Variants in ITPR1 observed in about 807,000 individuals in gnomAD.
The protein encoded by ITPR1 is inositol 1,4,5-trisphosphate-gated calcium channel ITPR1.
ITPR1 carries 96 observed loss-of-function variants against 318.4 expected under a neutral mutation model. The ratio of observed to expected loss-of-function variants is 0.30; its 90% CI spans 0.26 to 0.36. The LOEUF (loss-of-function observed/expected upper bound fraction) is 0.36. Among genes scored for constraint, ITPR1 ranks in the 10% least tolerant of loss-of-function variants. The pLI, the probability that ITPR1 is intolerant of heterozygous loss-of-function variation, is 1.00. For missense variants in ITPR1, 2,440 were observed against 3,460.2 expected (o/e 0.71, Z 7.40); for synonymous variants, 1,312 against 1,289.9 (o/e 1.02, Z -0.37).
At chr3:4,579,127 C>T (rs1301917281) in intron 4 of ITPR1, among the ~76,000 whole-genome samples, 1 of 152,140 alleles carries the variant, frequency 6.6e-6, no homozygotes, top group African/African-American at 2.4e-5. Context: ...CAGTTCCGGC[C>T]CCATAGCTCA....
intron 41 of ITPR1, among the ~76,000 whole-genome samples, 200 bp from the exon 42 acceptor site, chr3:4,726,926 G>A (rs1007839744): frequency 1.3e-5 from 2 of 152,170 alleles, no homozygotes; most frequent in African/African-American, 2.4e-5. Context: ...TAGGGTTGGG[G>A]GTATGGGACA....
chr3:4,784,474 C>G (rs939898345), intron 51 of ITPR1, among the ~76,000 whole-genome samples: 1 of 151,996 alleles, frequency 6.6e-6, no homozygotes, highest in Non-Finnish European at 1.5e-5. Flanking sequence ...ATCAACCATC[C>G]TTATGAGAAG....
intron 39 of ITPR1, among the ~76,000 whole-genome samples, chr3:4,716,366 T>C (rs1397614236): frequency 1.3e-5 from 2 of 152,240 alleles, no homozygotes; most frequent in African/African-American, 4.8e-5. Flanking sequence ...TGTGGGTTTT[T>C]ATTATTAAAC....
intron 40 of ITPR1, among the ~76,000 whole-genome samples, chr3:4,720,040 G>A (rs1054483876): frequency 2.0e-5 from 3 of 152,198 alleles, no homozygotes; most frequent in African/African-American, 7.2e-5. Flanking sequence ...GACACAGAAT[G>A]TTTCCATCAT....
chr3:4,675,024 C>G, intron 22 of ITPR1, 44 bp from the exon 23 acceptor site: 1 of 1,039,302 alleles, frequency 9.6e-7, no homozygotes, highest in South Asian at 1.4e-5. Context: ...GAAGGGGATG[C>G]AGTTTATGTA....
At chr3:4,546,672 T>G (rs977178913) in intron 4 of ITPR1, among the ~76,000 whole-genome samples, 6 of 152,158 alleles carry the variant, frequency 3.9e-5, no homozygotes, top group Non-Finnish European at 7.3e-5. Flanking sequence ...TGAATCTGTC[T>G]TAAGGATAGA....
intron 29 of ITPR1, among the ~76,000 whole-genome samples, chr3:4,684,723 G>T (rs147587554): frequency 6.6e-6 from 1 of 152,160 alleles, no homozygotes; most frequent in East Asian, 1.9e-4. Flanking sequence ...CTTTGCGTAC[G>T]CTGGTTCAAA....
At chr3:4,565,719 G>C in intron 4 of ITPR1, among the ~76,000 whole-genome samples, 1 of 152,118 alleles carries the variant, frequency 6.6e-6, no homozygotes, top group East Asian at 1.9e-4. Flanking sequence ...GCAAACAATT[G>C]AACAGCTGAC....
intron 34 of ITPR1, among the ~76,000 whole-genome samples, chr3:4,698,505 G>T (rs186260225): frequency 8.0e-4 from 122 of 152,236 alleles, no homozygotes; most frequent in African/African-American, 2.7e-3. Flanking sequence ...TAAAGGACCA[G>T]ATCGTAAATA....
chr3:4,558,111 A>G (rs1031530977), intron 4 of ITPR1, among the ~76,000 whole-genome samples: 1 of 152,232 alleles, frequency 6.6e-6, no homozygotes, highest in Admixed American at 6.5e-5. Context: ...ATGCTTAAGA[A>G]TAGATGTTCT....
Position 4,675,254 on chromosome 3 carries a change from T to C in ITPR1, c.2779+6T>C, listed in dbSNP as rs375265937. ...TGATGTGGAGAAGCTGAAGAGTGAG[T>C]ATCTGAGGGTGCCCATACATCTGAG... On this transcript the variant is annotated splice_donor_region_variant and intron_variant, in intron 23 of 61. Transcript: ENST00000649015. The C allele has an allele frequency of 6.2e-6, 10 of 1,601,966 alleles. No individual in the cohort carries two copies. In the African/African-American group the frequency reaches 9.4e-5, roughly 15 times the overall value.
chr3:4,665,314 G>A lies in ITPR1; in HGVS notation c.1713+18G>A, dbSNP rs1209594256. 1.3e-6 allele frequency: 2 copies of A among 1,590,142 alleles called. No individual in the cohort carries two copies. The highest frequency in any genetic ancestry group is 1.7e-5 in the Admixed American group (1 of 57,454). ...AGAACCAGGTTTGGATTAAGCATTGGTGGGATGTGGTTGTCAGTTTCCTCC... is the reference window on the plus strand; with the variant it reads ...AGAACCAGGTTTGGATTAAGCATTGATGGGATGTGGTTGTCAGTTTCCTCC... On this transcript the variant is annotated intron_variant, in intron 17 of 61. Coordinates refer to ENST00000649015, the MANE Select transcript of ITPR1 (RefSeq NM_001378452.1).
At chr3:4,794,825 G>A (rs2047794302) in intron 52 of ITPR1, among the ~76,000 whole-genome samples, 1 of 152,106 alleles carries the variant, frequency 6.6e-6, no homozygotes, top group Admixed American at 6.5e-5. Flanking sequence ...TTCTCTTTTT[G>A]CTCTCTCCTT....
chr3:4,612,063 CTT>C (rs34678180), intron 4 of ITPR1, among the ~76,000 whole-genome samples: 11,017 of 108,110 alleles, frequency 0.1, 332 homozygotes, highest in African/African-American at 0.17. Flanking sequence ...GTATCAGGCC[CTT>C]TTTTTTTTTT....
In ITPR1 at chr3:4,685,351, A is replaced by G. The variant is rs193172417; in HGVS notation, c.3702+145A>G. The G allele has an allele frequency of 2.3e-4, 178 of 782,218 alleles. 3 individuals carry two copies. In the African/African-American group the frequency reaches 2.9e-3, roughly 13 times the overall value. 48.5% of individuals were successfully genotyped at this position (782,218 alleles called of 1,614,324 possible). A position where few individuals can be genotyped will look rare whatever the true frequency, so the allele number is the denominator to read the frequency against. On this transcript the variant is annotated intron_variant, in intron 30 of 61. Coordinates refer to ENST00000649015, the MANE Select transcript of ITPR1 (RefSeq NM_001378452.1). ...CTACAAAGCAATTTCAGGTATTGAT[A>G]TGAAACAGAGCATCTGAAAAATAAA...
intron 2 of ITPR1, among the ~76,000 whole-genome samples, chr3:4,498,045 G>A (rs1420941003): frequency 6.6e-6 from 1 of 152,148 alleles, no homozygotes; most frequent in African/African-American, 2.4e-5. Flanking sequence ...GGAGATAGAA[G>A]ACAGGAAGGG....
At chr3:4,546,936 T>A (rs2085075375) in intron 4 of ITPR1, among the ~76,000 whole-genome samples, 1 of 152,030 alleles carries the variant, frequency 6.6e-6, no homozygotes, top group Non-Finnish European at 1.5e-5. Context: ...ACAACACTGG[T>A]TTAGGAGCTG....
At chr3:4,539,207 A>G (rs2084166300) in intron 4 of ITPR1, among the ~76,000 whole-genome samples, 2 of 152,092 alleles carry the variant, frequency 1.3e-5, no homozygotes, top group South Asian at 2.1e-4. Flanking sequence ...AAGTATTTTT[A>G]TAGTTCTGAT....
chr3:4,741,110 G>A (rs539978937), intron 44 of ITPR1, among the ~76,000 whole-genome samples: 2 of 152,272 alleles, frequency 1.3e-5, no homozygotes, highest in Non-Finnish European at 2.9e-5. Context: ...GCGCCTGGGG[G>A]AAGTTCCCTT....
Sources: gnomAD v4.1 joint callset for allele counts (sites outside exome capture counted in the v4.1 genomes callset) on GRCh38, gnomAD v4.1.1 for gene constraint, MANE v1.5 for transcripts, NCBI Gene and HGNC (gene_info 2026-07-23, HGNC 2026-07-21) for gene names.